Variants in ITGA11 observed in about 807,000 individuals in gnomAD.
The protein encoded by ITGA11 is integrin subunit alpha 11, also known as integrin alpha-11.
A neutral mutation model predicts 141.9 loss-of-function variants in ITGA11; 97 were observed. The ratio of observed to expected loss-of-function variants is 0.68; its 90% confidence interval spans 0.58 to 0.81. The LOEUF (loss-of-function observed/expected upper bound fraction) is 0.81. Among genes scored for constraint, ITGA11 ranks in the 30% least tolerant of loss-of-function variants. The probability of loss-of-function intolerance (pLI) is 0.00; values close to 1 mark genes in which losing one functional copy is unlikely to be tolerated. For missense variants in ITGA11, 1,387 were observed against 1,559.2 expected (o/e 0.89, Z 1.86); for synonymous variants, 658 against 624.6 (o/e 1.05, Z -0.80).
chr15:68,348,875 A>C lies in ITGA11; in HGVS notation c.1086T>G (p.Phe362Leu), dbSNP rs751781983. Residue 362 changes from phenylalanine to leucine, a missense_variant, in exon 10 of 30, where the codon TTT becomes TTG. Transcript: ENST00000315757. ...LEGTNKNETS[F>L]GLEMSQTGFS... ...AGCCCGTCTGTGACATCTCCAGCCC[A>C]AAGGAGGTCTCGTTCTTGTTGGTGC... 2 of 1,609,294 alleles carry C rather than the reference A, an allele frequency of 1.2e-6. No homozygotes were observed. Among genetic ancestry groups the C allele is most frequent in the South Asian group, 1.1e-5 (1 of 89,622 alleles).
chr15:68,404,909 ATGT>A (rs1896605845), intron 1 of ITGA11, among the ~76,000 whole-genome samples: 1 of 152,206 alleles, frequency 6.6e-6, no homozygotes, highest in Non-Finnish European at 1.5e-5. Flanking sequence ...ATTCACATGT[ATGT>A]TATCATTCGA....
At chr15:68,375,647 C>A (rs1175399410) in intron 2 of ITGA11, among the ~76,000 whole-genome samples, 1 of 152,208 alleles carries the variant, frequency 6.6e-6, no homozygotes, top group Non-Finnish European at 1.5e-5. Flanking sequence ...CTCGTGGGGG[C>A]TAGGGAAACG....
intron 1 of ITGA11, among the ~76,000 whole-genome samples, chr15:68,430,406 A>G (rs1274004656): frequency 6.6e-6 from 1 of 152,242 alleles, no homozygotes; most frequent in Non-Finnish European, 1.5e-5. Context: ...GAAAGGTCGC[A>G]TAACCAGTCC....
At position 68,303,468 on chromosome 15, in the gene ITGA11, GGTTT is replaced by G. The variant is rs1242940227; in HGVS notation, c.3495+300_3495+303del. Among the ~76,000 whole-genome samples, 1 of 152,132 alleles carries G rather than the reference GGTTT, an allele frequency of 6.6e-6. No individual in the cohort carries two copies. Among genetic ancestry groups the G allele is most frequent in the African/African-American group, 2.4e-5 (1 of 41,438 alleles). On this transcript the variant is annotated intron_variant, in intron 29 of 29. Transcript: ENST00000315757. The surrounding 1 kb of genome is among the most constrained non-coding windows in gnomAD (Gnocchi z 5.3). ...TCAGAGACAGAGATGGACTTCGGGAGGTTTGTTAACAGCTTGACATTGTGGGAGA... is the reference window on the plus strand; with the variant it reads ...TCAGAGACAGAGATGGACTTCGGGAGGTTAACAGCTTGACATTGTGGGAGA...
At chr15:68,327,488 C>T (rs1894016684) in intron 16 of ITGA11, among the ~76,000 whole-genome samples, 1 of 152,256 alleles carries the variant, frequency 6.6e-6, no homozygotes, top group African/African-American at 2.4e-5. Context: ...TTGTCTGGTC[C>T]TGCTCCTTGG....
chr15:68,370,106 G>A (rs1409288244), intron 2 of ITGA11, among the ~76,000 whole-genome samples: 6 of 152,160 alleles, frequency 3.9e-5, no homozygotes, highest in Admixed American at 3.3e-4. Context: ...CAGAGCCTGC[G>A]GAGGGAGTGC....
At chr15:68,406,797 A>G (rs1013371932) in intron 1 of ITGA11, among the ~76,000 whole-genome samples, 1 of 152,124 alleles carries the variant, frequency 6.6e-6, no homozygotes, top group Non-Finnish European at 1.5e-5. Flanking sequence ...CTCAGTGAGG[A>G]AAAGGAGAAA....
intron 8 of ITGA11, 22 bp downstream of exon 8, chr15:68,351,236 C>T: frequency 1.9e-6 from 3 of 1,613,100 alleles, no homozygotes; most frequent in South Asian, 1.1e-5. Context: ...CATCAGCAGC[C>T]CTTGGGCGGG....
intron 18 of ITGA11, among the ~76,000 whole-genome samples, chr15:68,323,412 T>TAA (rs551734138): frequency 1.3e-5 from 2 of 152,170 alleles, no homozygotes; most frequent in Non-Finnish European, 2.9e-5. Context: ...CTGATTAAAA[T>TAA]AAATAATTTA....
chr15:68,426,349 C>T (rs908690179), intron 1 of ITGA11, among the ~76,000 whole-genome samples: 7 of 152,296 alleles, frequency 4.6e-5, no homozygotes, highest in African/African-American at 7.2e-5. Context: ...AGGAGAAGAT[C>T]GCCAAACCTT....
At chr15:68,370,935 A>G (rs894900060) in intron 2 of ITGA11, among the ~76,000 whole-genome samples, 3 of 152,184 alleles carry the variant, frequency 2.0e-5, no homozygotes, top group African/African-American at 7.2e-5. Flanking sequence ...GCCCCGGTCC[A>G]CCTTGGCGCT....
At chr15:68,383,429 T>C (rs1595885974) in intron 2 of ITGA11, among the ~76,000 whole-genome samples, 4 of 152,358 alleles carry the variant, frequency 2.6e-5, no homozygotes, top group East Asian at 3.9e-4. Context: ...AAGGCATTTA[T>C]GGCACCTTCA....
In ITGA11 at chr15:68,328,397, G is replaced by T; in HGVS notation, c.1902-135C>A. On this transcript the variant is annotated intron_variant, in intron 15 of 29. Transcript: ENST00000315757. The surrounding 1 kb of genome is among the most constrained non-coding windows in gnomAD (Gnocchi z 4.8). The stretch of plus-strand genomic sequence containing the variant: ...GAGGGGGTGAGGTGGAGGATGGAGG[G>T]GGCGAGGTGGAGGATGGAGGGGGCT... 2 of 574,398 alleles carry T rather than the reference G, an allele frequency of 3.5e-6. 1 individual carries two copies. The highest frequency in any genetic ancestry group is 5.9e-6 in the Non-Finnish European group (2 of 336,352). 35.6% of individuals were successfully genotyped at this position (574,398 alleles called of 1,614,324 possible).
intron 2 of ITGA11, among the ~76,000 whole-genome samples, chr15:68,391,917 G>C (rs1896130708): frequency 6.6e-6 from 1 of 152,180 alleles, no homozygotes; most frequent in African/African-American, 2.4e-5. Context: ...GGAAAAGTCA[G>C]TTCAACTTAA....
intron 2 of ITGA11, among the ~76,000 whole-genome samples, chr15:68,397,824 T>C (rs1341770224): frequency 1.4e-5 from 2 of 141,692 alleles, no homozygotes; most frequent in Non-Finnish European, 3.0e-5. Flanking sequence ...TATATATTAT[T>C]ATATAAATAT....
intron 10 of ITGA11, among the ~76,000 whole-genome samples, chr15:68,340,382 A>C (rs781479271): frequency 6.6e-6 from 1 of 152,202 alleles, no homozygotes; most frequent in Non-Finnish European, 1.5e-5. Context: ...GAGAGAAAGA[A>C]GAGCTGGAGA....
intron 2 of ITGA11, among the ~76,000 whole-genome samples, chr15:68,391,250 G>A (rs1307496118): frequency 6.6e-6 from 1 of 152,210 alleles, no homozygotes; most frequent in African/African-American, 2.4e-5. Context: ...GCTCGGCTGT[G>A]GCAGTAACAT....
intron 3 of ITGA11, among the ~76,000 whole-genome samples, chr15:68,366,291 C>T (rs1369683331): frequency 1.3e-5 from 2 of 152,126 alleles, no homozygotes; most frequent in East Asian, 3.9e-4. Flanking sequence ...GTCATCATTT[C>T]CATTTTACAG....
Position 68,331,640 on chromosome 15 carries a change from G to A in ITGA11, c.1770+219C>T, listed in dbSNP as rs1033174443. Among the ~76,000 whole-genome samples the A allele has an allele frequency of 6.6e-5, 10 of 152,048 alleles. No homozygotes were observed. In the South Asian group the frequency reaches 2.1e-3, roughly 32 times the overall value. ...TGTTGGGGGAGGATGAGGGTAAGCA[G>A]GGAGAGAGTGCCAAAGGGGGTGATG... is the stretch of plus-strand genomic sequence containing the variant. On this transcript the variant is annotated intron_variant, in intron 14 of 29. Coordinates refer to ENST00000315757, the MANE Select transcript of ITGA11 (RefSeq NM_001004439.2).
Sources: allele counts gnomAD v4.1 joint callset (sites outside exome capture counted in the v4.1 genomes callset), GRCh38; gene constraint gnomAD v4.1.1; non-coding constraint Gnocchi (gnomAD v3.1); transcripts MANE v1.5; gene names NCBI Gene and HGNC (gene_info 2026-07-23, HGNC 2026-07-21).